Variants in STAG1 observed in about 807,000 individuals in gnomAD.
The protein encoded by STAG1 is cohesin subunit SA-1.
STAG1 carries 26 observed loss-of-function variants against 170.9 expected under a neutral mutation model. The observed-to-expected ratio is 0.15, with a 90% CI of 0.11 to 0.21. The LOEUF is 0.21. Ranked by LOEUF, STAG1 falls within the 10% of genes least tolerant of loss-of-function variation. The probability of loss-of-function intolerance (pLI) is 1.00; values close to 1 mark genes in which losing one functional copy is unlikely to be tolerated. For missense variants in STAG1, 964 were observed against 1,509.5 expected (o/e 0.64, Z 5.99); for synonymous variants, 514 against 497.7 (o/e 1.03, Z -0.44).
chr3:136,737,747 G>A (rs188320391), intron 1 of STAG1, among the ~76,000 whole-genome samples: 9 of 152,284 alleles, frequency 5.9e-5, no homozygotes, highest in Non-Finnish European at 1.0e-4. Context: ...ATTCCAGAGG[G>A]AAGAAATAGA....
intron 16 of STAG1, among the ~76,000 whole-genome samples, chr3:136,425,687 T>A (rs1389080670): frequency 6.7e-6 from 1 of 148,568 alleles, no homozygotes; most frequent in African/African-American, 2.6e-5. Context: ...TACGTGTATG[T>A]GTGTGTATGT....
intron 7 of STAG1, among the ~76,000 whole-genome samples, chr3:136,514,988 C>A (rs1023658331): frequency 1.3e-5 from 2 of 152,104 alleles, no homozygotes; most frequent in African/African-American, 4.8e-5. Context: ...AGCAGCAAAC[C>A]AACATGGCAC....
chr3:136,727,248 G>C (rs1296106476), intron 1 of STAG1, among the ~76,000 whole-genome samples: 1 of 152,104 alleles, frequency 6.6e-6, no homozygotes, highest in Non-Finnish European at 1.5e-5. Flanking sequence ...TAATAGGCGA[G>C]CTGGCAGCAG....
intron 22 of STAG1, among the ~76,000 whole-genome samples, chr3:136,378,395 C>A (rs1937728372): frequency 6.6e-6 from 1 of 152,128 alleles, no homozygotes; most frequent in African/African-American, 2.4e-5. Context: ...TTTGAAAAGT[C>A]CAAAAGGAAA....
intron 1 of STAG1, among the ~76,000 whole-genome samples, chr3:136,727,783 T>C (rs547343237): frequency 2.0e-5 from 3 of 152,228 alleles, no homozygotes; most frequent in Admixed American, 6.5e-5. Flanking sequence ...ATCATATTAT[T>C]ATTAAATTTT....
At chr3:136,441,229 T>C (rs2088622254) in intron 15 of STAG1, among the ~76,000 whole-genome samples, 1 of 151,938 alleles carries the variant, frequency 6.6e-6, no homozygotes, top group Non-Finnish European at 1.5e-5. Flanking sequence ...GACGGGGTTT[T>C]GCCATATTGG....
At chr3:136,527,506 T>C (rs752786114) in intron 6 of STAG1, among the ~76,000 whole-genome samples, 1 of 152,132 alleles carries the variant, frequency 6.6e-6, no homozygotes, top group Non-Finnish European at 1.5e-5. Flanking sequence ...AGTCTTTTTT[T>C]GGTTTTCAGC....
At chr3:136,595,182 AC>A (rs1297620727) in intron 4 of STAG1, among the ~76,000 whole-genome samples, 1 of 152,140 alleles carries the variant, frequency 6.6e-6, no homozygotes, top group Non-Finnish European at 1.5e-5. Flanking sequence ...TATCACTTAG[AC>A]TACACAGCTT....
intron 9 of STAG1, among the ~76,000 whole-genome samples, chr3:136,498,355 T>A (rs1226883153): frequency 1.4e-5 from 2 of 145,490 alleles, no homozygotes; most frequent in Non-Finnish European, 3.0e-5. Context: ...TAAAAAAAAC[T>A]CTGACTTTGT....
At chr3:136,583,973 G>A (rs1937679158) in intron 4 of STAG1, among the ~76,000 whole-genome samples, 1 of 152,184 alleles carries the variant, frequency 6.6e-6, no homozygotes, top group Non-Finnish European at 1.5e-5. Context: ...AATACCTGGG[G>A]ATCAGCTACA....
chr3:136,714,993 TTATATATATAATA>T (rs1553770609), intron 1 of STAG1, among the ~76,000 whole-genome samples: 1 of 110,790 alleles, frequency 9.0e-6, no homozygotes, highest in Admixed American at 1.0e-4. Flanking sequence ...TATATATATT[TTATATATATAATA>T]TATATATAAA....
At chr3:136,655,463 TA>T (rs968602065) in intron 1 of STAG1, among the ~76,000 whole-genome samples, 1 of 152,078 alleles carries the variant, frequency 6.6e-6, no homozygotes, top group Admixed American at 6.5e-5. Context: ...ATGGCTATAA[TA>T]AAAAAATCCA....
chr3:136,410,176 G>C (rs998237377), intron 21 of STAG1, among the ~76,000 whole-genome samples: 2 of 151,946 alleles, frequency 1.3e-5, no homozygotes, highest in African/African-American at 4.8e-5. Flanking sequence ...AAGGCAGGCA[G>C]ATCACCTGAG....
rs567405864 is a variant in STAG1 at position 136,745,025 on chromosome 3, CATAAAG to C, written c.-84+7164_-84+7169del. ...GATCAGAAAATATCAGAGTGCACTG[CATAAAG>C]ATAAAGTATTATTTCATGAAACTTA... On this transcript the variant is annotated intron_variant, in intron 1 of 33. Transcript: ENST00000383202. Among the ~76,000 whole-genome samples, 630 of 152,192 alleles carry C rather than the reference CATAAAG, an allele frequency of 4.1e-3. 1 individual carries two copies. The highest frequency in any genetic ancestry group is 0.031 in the Middle Eastern group (9 of 294).
At chr3:136,695,092 T>A (rs1942845405) in intron 1 of STAG1, among the ~76,000 whole-genome samples, 2 of 152,240 alleles carry the variant, frequency 1.3e-5, no homozygotes, top group African/African-American at 4.8e-5. Flanking sequence ...TTTAGACTGT[T>A]TTTTGGCCTT....
intron 6 of STAG1, among the ~76,000 whole-genome samples, chr3:136,537,762 C>T (rs1356828740): frequency 1.3e-5 from 2 of 152,012 alleles, no homozygotes; most frequent in Admixed American, 6.6e-5. Flanking sequence ...TCTCAAAGTG[C>T]TGGGATTATA....
intron 6 of STAG1, among the ~76,000 whole-genome samples, chr3:136,533,053 G>T (rs1042207238): frequency 6.6e-6 from 1 of 152,060 alleles, no homozygotes; most frequent in African/African-American, 2.4e-5. Context: ...AGAGCTGATA[G>T]CAAATTCAGT....
chr3:136,602,472 G>A (rs532261462), intron 4 of STAG1, among the ~76,000 whole-genome samples: 1 of 151,702 alleles, frequency 6.6e-6, no homozygotes, highest in Non-Finnish European at 1.5e-5. Flanking sequence ...TCATTTTTCT[G>A]CTTGTATTTC....
At chr3:136,447,178 C>T (rs1339330357) in intron 14 of STAG1, among the ~76,000 whole-genome samples, 7 of 151,774 alleles carry the variant, frequency 4.6e-5, no homozygotes, top group Non-Finnish European at 1.0e-4. Flanking sequence ...CACAATTATC[C>T]TCCTCATTCA....
Sources: gnomAD v4.1 joint callset for allele counts (sites outside exome capture counted in the v4.1 genomes callset) on GRCh38, gnomAD v4.1.1 for gene constraint, MANE v1.5 for transcripts, NCBI Gene and HGNC (gene_info 2026-07-23, HGNC 2026-07-21) for gene names.